Variants in KMT2A observed in about 807,000 individuals in gnomAD.
KMT2A encodes histone-lysine N-methyltransferase 2A.
Under a neutral mutation model 345.3 loss-of-function variants are expected in KMT2A, and 16 were observed. That is an observed-to-expected ratio of 0.05 (90% CI 0.03 to 0.07). The LOEUF (loss-of-function observed/expected upper bound fraction) is 0.07. KMT2A is among the 10% of genes least tolerant of loss of function. The probability of loss-of-function intolerance (pLI) is 1.00; values close to 1 mark genes in which losing one functional copy is unlikely to be tolerated. For synonymous variants in KMT2A, 1,599 were observed against 1,778.6 expected (o/e 0.90, Z 2.54); for missense variants, 3,272 against 4,841.6 (o/e 0.68, Z 9.62).
intron 27 of KMT2A, among the ~76,000 whole-genome samples, chr11:118,507,044 C>T (rs1344887882): frequency 6.6e-6 from 1 of 152,208 alleles, no homozygotes; most frequent in Non-Finnish European, 1.5e-5. Context: ...TGTCTGTAAT[C>T]CCAGCACTTT....
chr11:118,462,701 G>A (rs946810414), intron 1 of KMT2A, among the ~76,000 whole-genome samples: 9 of 152,150 alleles, frequency 5.9e-5, no homozygotes, highest in Admixed American at 2.6e-4. Flanking sequence ...TGGGACTACA[G>A]GCGCCCGCCA....
rs782711965 is a variant in KMT2A at position 118,503,238 on chromosome 11, T to C, written c.7346T>C (p.Phe2449Ser). The C allele has an allele frequency of 6.2e-7, 1 of 1,614,094 alleles. No homozygotes were observed. The highest frequency in any genetic ancestry group is 8.5e-7 in the Non-Finnish European group (1 of 1,180,020). The change falls in exon 27 of 36, where the codon TTT (phenylalanine) becomes TCT (serine). Residue 2449 changes from phenylalanine to serine, a missense_variant. By Grantham distance (155) the Phe-to-Ser change is radical. Transcript: ENST00000534358. This position sits in a 1 kb window ranked among gnomAD's most constrained non-coding sequence, Gnocchi z 5.3. ...TFKEKHSSKS[F>S]LEPGQVTTGE... ...AAAGAAAAGCATTCCAGTAAATCTT[T>C]TTTGGAACCTGGTCAGGTGACAACT...
rs782798879 is a variant in KMT2A at position 118,473,098 on chromosome 11, A to G, written c.1939A>G (p.Ile647Val). Residue 647 changes from isoleucine to valine, a missense_variant, in exon 3 of 36, where the codon ATA becomes GTA. Transcript: ENST00000534358. This position sits in a 1 kb window ranked among gnomAD's most constrained non-coding sequence, Gnocchi z 5.2. Reference protein sequence around the residue: ...YAKEGLIRKPIFDNFRPPPLT... With the variant: ...YAKEGLIRKPVFDNFRPPPLT... The stretch of plus-strand genomic sequence containing the variant: ...CAAAGAAGGTCTTATTCGCAAACCA[A>G]TATTTGATAATTTCCGACCCCCTCC... 5 of 1,614,158 alleles carry G rather than the reference A, an allele frequency of 3.1e-6. No individual in the cohort carries two copies. Among genetic ancestry groups the G allele is most frequent in the South Asian group, 1.1e-5 (1 of 91,082 alleles).
rs1555042631 is a variant in KMT2A, at chr11:118,491,952, T to C, written c.5004+24T>C. The C allele has an allele frequency of 2.5e-6, 4 of 1,576,606 alleles. No individual in the cohort carries two copies. Among genetic ancestry groups the C allele is most frequent in the Non-Finnish European group, 3.5e-6 (4 of 1,150,758 alleles). On this transcript the variant is annotated intron_variant, in intron 15 of 35. Coordinates refer to ENST00000534358, the MANE Select transcript of KMT2A (RefSeq NM_001197104.2). This position sits in a 1 kb window ranked among gnomAD's most constrained non-coding sequence, Gnocchi z 4.2. The stretch of plus-strand genomic sequence containing the variant: ...AGGTAGGCCAAGTCTCATTTTTTTC[T>C]GAGAGCTTGTTCTTAGGTAGTCTTT...
intron 2 of KMT2A, among the ~76,000 whole-genome samples, chr11:118,471,435 A>G (rs1273099391): frequency 6.6e-6 from 1 of 152,208 alleles, no homozygotes; most frequent in Non-Finnish European, 1.5e-5. Context: ...ATCTTTTTGT[A>G]TCAAAAAAGT....
At chr11:118,450,711 TATGC>T (rs1330611647) in intron 1 of KMT2A, 1 of 152,222 alleles carries the variant, frequency 6.6e-6, no homozygotes, top group African/African-American at 2.4e-5. Flanking sequence ...TCCTATCTGT[TATGC>T]ATTCAAATAA....
chr11:118,513,692 C>T (rs1292391732), intron 31 of KMT2A, among the ~76,000 whole-genome samples: 1 of 151,896 alleles, frequency 6.6e-6, no homozygotes, highest in Non-Finnish European at 1.5e-5. Context: ...CACCTGAATT[C>T]CAACATCTTG....
rs2134368632 is a variant in KMT2A at position 118,498,543 on chromosome 11, G to A, written c.5961+15G>A. 1 of 1,522,296 alleles carries A rather than the reference G, an allele frequency of 6.6e-7. No homozygotes were observed. The highest frequency in any genetic ancestry group is 1.2e-5 in the South Asian group (1 of 82,102). The allele number at this position is 1,522,296 out of a possible 1,614,324, so 94.3% of individuals were successfully genotyped here. On this transcript the variant is annotated intron_variant, in intron 22 of 35. Coordinates refer to ENST00000534358, the MANE Select transcript of KMT2A (RefSeq NM_001197104.2). This position sits in a 1 kb window ranked among gnomAD's most constrained non-coding sequence, Gnocchi z 4.4. ...TCAAAGGCGAAGTGAGAGAGCTTTA[G>A]TTGCTTTAAAAAAAAAAAAAAAGAC...
chr11:118,457,487 G>A (rs1028464016), intron 1 of KMT2A, among the ~76,000 whole-genome samples: 4 of 151,408 alleles, frequency 2.6e-5, no homozygotes, highest in Admixed American at 6.6e-5. Flanking sequence ...TGGCCAAGCT[G>A]GTCTCAAACT....
At position 118,494,548 on chromosome 11, in the gene KMT2A, C is replaced by T. The variant is rs9332819; in HGVS notation, c.5290-146C>T. 56,732 of 841,760 alleles carry T rather than the reference C, an allele frequency of 0.067. 2,468 individuals are homozygous for T. The highest frequency in any genetic ancestry group is 0.17 in the African/African-American group (9,728 of 58,054). The allele number at this position is 841,760 out of a possible 1,614,324, so 52.1% of individuals were successfully genotyped here. A position where few individuals can be genotyped will look rare whatever the true frequency, so the allele number is the denominator to read the frequency against. On this transcript the variant is annotated intron_variant, in intron 17 of 35. Coordinates refer to ENST00000534358, the MANE Select transcript of KMT2A (RefSeq NM_001197104.2). The surrounding 1 kb of genome is among the most constrained non-coding windows in gnomAD (Gnocchi z 5.8). ...TGATCCCCTGATTCTTTGAGAGGAA[C>T]TTGGTGAGGTTGCCAGAGTGGATGG... is the stretch of plus-strand genomic sequence containing the variant.
In KMT2A at chr11:118,521,947, C is replaced by T; in HGVS notation, c.11694C>T (p.Ala3898=). 6.2e-7 allele frequency: 1 copy of T among 1,614,154 alleles called. No homozygotes were observed. ...FRIDDSEVVD[A]TMHGNAARFI... Reference sequence around the variant, plus strand: ...TTGATGACTCAGAGGTAGTGGATGCCACCATGCATGGAAATGCTGCACGCT... The same window carrying T: ...TTGATGACTCAGAGGTAGTGGATGCTACCATGCATGGAAATGCTGCACGCT... The change falls in exon 36 of 36, where the codon GCC becomes GCT. Residue 3898 remains alanine, a synonymous_variant. Coordinates refer to ENST00000534358, the MANE Select transcript of KMT2A (RefSeq NM_001197104.2). The surrounding 1 kb of genome is among the most constrained non-coding windows in gnomAD (Gnocchi z 5.3).
In KMT2A at chr11:118,476,867, A is replaced by G. The variant is rs782526334; in HGVS notation, c.3219A>G (p.Arg1073=). 2 of 1,614,200 alleles carry G rather than the reference A, an allele frequency of 1.2e-6. No homozygotes were observed. The highest frequency in any genetic ancestry group is 2.2e-5 in the South Asian group (2 of 91,088). ...VRGPRIKHVC[R]RAAVALGRKR... ...GACCCCGGATTAAACATGTCTGCAG[A>G]AGAGCAGCTGTTGCCCTTGGCCGAA... Residue 1073 remains arginine (R), a synonymous_variant, in exon 4 of 36, where the codon AGA becomes AGG. Coordinates refer to ENST00000534358, the MANE Select transcript of KMT2A (RefSeq NM_001197104.2). The surrounding 1 kb of genome is among the most constrained non-coding windows in gnomAD (Gnocchi z 4.1).
At chr11:118,451,987 T>G (rs1490104102) in intron 1 of KMT2A, among the ~76,000 whole-genome samples, 7 of 152,198 alleles carry the variant, frequency 4.6e-5, no homozygotes, top group Non-Finnish European at 1.0e-4. Context: ...GTCAGTTGTC[T>G]TACACCAAAT....
chr11:118,471,678 A>G lies in KMT2A; in HGVS notation c.519A>G (p.Arg173=). The change falls in exon 3 of 36, where the codon CGA becomes CGG. Residue 173 remains arginine, a synonymous_variant. Transcript: ENST00000534358. ...TRSPSVKTSP[R]KPRGRPRSGS... ...TATACACAGTTAAAACTAGTCCTCGAAAACCTCGTGGGAGACCTAGAAGTG... is the reference window on the plus strand; with the variant it reads ...TATACACAGTTAAAACTAGTCCTCGGAAACCTCGTGGGAGACCTAGAAGTG... 1 of 1,584,888 alleles carries G rather than the reference A, an allele frequency of 6.3e-7. No homozygotes were observed. Among genetic ancestry groups the G allele is most frequent in the Non-Finnish European group, 8.5e-7 (1 of 1,171,896 alleles).
chr11:118,472,989 T>C lies in KMT2A; in HGVS notation c.1830T>C (p.Ser610=). 6.2e-7 allele frequency: 1 copy of C among 1,614,178 alleles called. No individual in the cohort carries two copies. Among genetic ancestry groups the C allele is most frequent in the Non-Finnish European group, 8.5e-7 (1 of 1,180,034 alleles). ...STAPMQGKRK[S]ILREPTFRWT... ...CTCCTATGCAAGGGAAGCGAAAATC[T>C]ATTTTGCGAGAACCGACATTTAGGT... The change falls in exon 3 of 36, where the codon TCT becomes TCC. Residue 610 remains serine, a synonymous_variant. Transcript: ENST00000534358.
intron 1 of KMT2A, among the ~76,000 whole-genome samples, chr11:118,451,162 T>C (rs563600676): frequency 6.6e-6 from 1 of 152,042 alleles, no homozygotes; most frequent in Admixed American, 6.5e-5. Flanking sequence ...ACTGGGGCTC[T>C]ACCATTGGAG....
intron 1 of KMT2A, among the ~76,000 whole-genome samples, chr11:118,455,210 T>G (rs1387832559): frequency 1.3e-4 from 20 of 152,120 alleles, no homozygotes; most frequent in African/African-American, 4.6e-4. Flanking sequence ...TTTTATTTAT[T>G]TGTTATATGT....
chr11:118,493,330 T>C lies in KMT2A; in HGVS notation c.5178+100T>C, dbSNP rs1950354433. 4 of 900,734 alleles carry C rather than the reference T, an allele frequency of 4.4e-6. No individual in the cohort carries two copies. The East Asian group carries it at 1.1e-4, about 25-fold the overall frequency. 55.8% of individuals were successfully genotyped at this position (900,734 alleles called of 1,614,324 possible). On this transcript the variant is annotated intron_variant, in intron 16 of 35. Coordinates refer to ENST00000534358, the MANE Select transcript of KMT2A (RefSeq NM_001197104.2). The surrounding 1 kb of genome is among the most constrained non-coding windows in gnomAD (Gnocchi z 5.8). ...AGTATAAGTAAATTTAAAAATGAAT[T>C]GTATTATATTTAGAAATGTCACGTG...
At chr11:118,445,465 C>T (rs533904103) in intron 1 of KMT2A, among the ~76,000 whole-genome samples, 1 of 152,326 alleles carries the variant, frequency 6.6e-6, no homozygotes, top group South Asian at 2.1e-4. Context: ...CTCTGAGGCT[C>T]TTCAGGGTTC....
Sources: gnomAD v4.1 joint callset for allele counts (sites outside exome capture counted in the v4.1 genomes callset) on GRCh38, gnomAD v4.1.1 for gene constraint, Gnocchi (gnomAD v3.1) non-coding constraint, MANE v1.5 for transcripts, NCBI Gene and HGNC (gene_info 2026-07-23, HGNC 2026-07-21) for gene names.